Variants in FAM120B observed in about 807,000 individuals in gnomAD.
FAM120B encodes the protein constitutive coactivator of peroxisome proliferator-activated receptor gamma.
In FAM120B, 83 loss-of-function variants were observed where a neutral mutation model predicts 96.3. The ratio of observed to expected loss-of-function variants is 0.86; its 90% confidence interval spans 0.72 to 1.03. The LOEUF is 1.03. Among genes scored for constraint, FAM120B ranks in the 50% least tolerant of loss-of-function variants. The pLI, the probability that FAM120B is intolerant of heterozygous loss-of-function variation, is 0.00. For synonymous variants in FAM120B, 407 were observed against 402.7 expected (o/e 1.01, Z -0.13); for missense variants, 1,027 against 1,121.2 (o/e 0.92, Z 1.20).
At chr6:170,337,382 G>A (rs113561905) in intron 4 of FAM120B, among the ~76,000 whole-genome samples, 2,030 of 152,246 alleles carry the variant, frequency 0.013, 42 homozygotes, top group African/African-American at 0.046. Context: ...GGATGAAGCC[G>A]ACCTGATCGT....
chr6:170,352,049 CAT>C (rs1787615077), intron 5 of FAM120B, among the ~76,000 whole-genome samples: 2 of 152,292 alleles, frequency 1.3e-5, no homozygotes, highest in South Asian at 2.1e-4. Context: ...AGACCCATCT[CAT>C]GTGCAGAGAC....
At chr6:170,291,442 A>G (rs1245440590), upstream of FAM120B, among the ~76,000 whole-genome samples, 1 of 151,872 alleles carries the variant, frequency 6.6e-6, no homozygotes, top group Non-Finnish European at 1.5e-5. Flanking sequence ...GGCTGCGAGC[A>G]GGAGGACGAA....
At chr6:170,367,822 G>T (rs1788898458) in intron 6 of FAM120B, among the ~76,000 whole-genome samples, 1 of 152,212 alleles carries the variant, frequency 6.6e-6, no homozygotes. Context: ...TTATAAAGGA[G>T]CTGAAGTGAG....
At chr6:170,352,494 G>A (rs182245024) in intron 5 of FAM120B, among the ~76,000 whole-genome samples, 156 of 152,164 alleles carry the variant, frequency 1.0e-3, no homozygotes, top group Non-Finnish European at 1.4e-3. Flanking sequence ...ATTGCTGCTC[G>A]GCACTTACTC....
chr6:170,379,006 G>T (rs1385922809), intron 6 of FAM120B, among the ~76,000 whole-genome samples: 1 of 152,242 alleles, frequency 6.6e-6, no homozygotes, highest in East Asian at 1.9e-4. Flanking sequence ...GGCCCAGGCA[G>T]CCTTGGTGAG....
intron 6 of FAM120B, among the ~76,000 whole-genome samples, chr6:170,371,687 T>G (rs1789199926): frequency 6.6e-6 from 1 of 152,206 alleles, no homozygotes; most frequent in Admixed American, 6.5e-5. Context: ...TCAGCACTTG[T>G]CAAATGAGGC....
intron 9 of FAM120B, among the ~76,000 whole-genome samples, chr6:170,397,364 A>G (rs188821119): frequency 6.6e-6 from 1 of 152,100 alleles, no homozygotes; most frequent in African/African-American, 2.4e-5. Context: ...TGACAAGGTG[A>G]TATTTAAGCA....
In FAM120B at chr6:170,370,177, C is replaced by T. The variant is rs2115246146; in HGVS notation, c.2283+11859C>T. Among the ~76,000 whole-genome samples the T allele has an allele frequency of 6.6e-6, 1 of 152,228 alleles. No individual in the cohort carries two copies. The highest frequency in any genetic ancestry group is 1.9e-4 in the East Asian group (1 of 5,192). Reference sequence around the variant, plus strand: ...TGAGCTTTCCTGGCCCTGCTCTCTGCACCTCACAGACTTCCCCAGCGGGGC... The same window carrying T: ...TGAGCTTTCCTGGCCCTGCTCTCTGTACCTCACAGACTTCCCCAGCGGGGC... On this transcript the variant is annotated intron_variant, in intron 6 of 10. Transcript: ENST00000476287. This position sits in a 1 kb window ranked among gnomAD's most constrained non-coding sequence, Gnocchi z 4.3.
At chr6:170,371,991 A>G (rs932942575) in intron 6 of FAM120B, among the ~76,000 whole-genome samples, 1 of 152,240 alleles carries the variant, frequency 6.6e-6, no homozygotes, top group Non-Finnish European at 1.5e-5. Context: ...ATTGAAAAAC[A>G]GAAAAAATAA....
upstream of FAM120B, among the ~76,000 whole-genome samples, chr6:170,295,003 A>T (rs1242465650): frequency 1.3e-5 from 2 of 152,242 alleles, no homozygotes; most frequent in Non-Finnish European, 2.9e-5. The surrounding 1 kb of genome is among the most constrained non-coding windows in gnomAD (Gnocchi z 7.8). Flanking sequence ...GGGGACGTAG[A>T]CCATGCTTAT....
chr6:170,406,677 T>C lies in FAM120B; in HGVS notation c.*1926T>C, dbSNP rs184156326. ...AAATCGATTTTTTTCATTCCTCTTA[T>C]GAGGATTTCCCTATGTCAGTAAACA... is the stretch of plus-strand genomic sequence containing the variant. On this transcript the variant is annotated 3_prime_UTR_variant, in exon 11 of 11. Coordinates refer to ENST00000476287, the MANE Select transcript of FAM120B (RefSeq NM_032448.3). The C allele has an allele frequency of 6.6e-6, 1 of 152,330 alleles. No individual in the cohort carries two copies. The highest frequency in any genetic ancestry group is 2.4e-5 in the African/African-American group (1 of 41,584). The allele number at this position is 152,330 out of a possible 1,614,324, so 9.4% of individuals were successfully genotyped here.
chr6:170,388,528 A>T (rs942350304), intron 7 of FAM120B, 35 bp downstream of exon 7: 3 of 1,561,414 alleles, frequency 1.9e-6, no homozygotes, highest in South Asian at 1.1e-5. Context: ...CACCAGAAAC[A>T]TCCCTGTAGC....
chr6:170,383,909 G>A (rs2115297726), intron 6 of FAM120B, among the ~76,000 whole-genome samples: 1 of 152,192 alleles, frequency 6.6e-6, no homozygotes, highest in East Asian at 1.9e-4. Context: ...ACAGGCTGGT[G>A]CATCCATGCC....
chr6:170,395,393 T>A, intron 8 of FAM120B, 94 bp from the exon 9 acceptor site: 1 of 973,504 alleles, frequency 1.0e-6, no homozygotes, highest in Non-Finnish European at 1.6e-6. Context: ...GGGATACTGC[T>A]GACCTGGTGC....
At chr6:170,398,618 C>A (rs9460002) in intron 9 of FAM120B, among the ~76,000 whole-genome samples, 23,933 of 32,946 alleles carry the variant, frequency 0.73, 10,218 homozygotes, top group African/African-American at 0.83. Flanking sequence ...CTTAACTCTT[C>A]GGAGTGAGTG....
rs547334795 is a variant in FAM120B, at chr6:170,340,550, C to T, written c.2018-7601C>T. Reference sequence around the variant, plus strand: ...TTGTGCCCTTGCTGGAGAGGAGTTGCGATCATTTAGAGAAGAGGCATTCTG... The same window carrying T: ...TTGTGCCCTTGCTGGAGAGGAGTTGTGATCATTTAGAGAAGAGGCATTCTG... On this transcript the variant is annotated intron_variant, in intron 4 of 10. Transcript: ENST00000476287. Among the ~76,000 whole-genome samples the T allele has an allele frequency of 3.2e-4, 49 of 152,284 alleles. 1 individual carries two copies. In the South Asian group the frequency reaches 3.5e-3, roughly 11 times the overall value.
At chr6:170,322,995 T>C in intron 2 of FAM120B, 84 bp from the exon 3 acceptor site, 1 of 1,180,506 alleles carries the variant, frequency 8.5e-7, no homozygotes, top group Non-Finnish European at 1.2e-6. Context: ...AACTGGCATA[T>C]GATGAAAGGC....
intron 4 of FAM120B, among the ~76,000 whole-genome samples, chr6:170,345,412 T>C (rs1787113032): frequency 6.6e-6 from 1 of 152,206 alleles, no homozygotes; most frequent in South Asian, 2.1e-4. Flanking sequence ...AAGACCAGCC[T>C]GGGCAACATA....
upstream of FAM120B, among the ~76,000 whole-genome samples, chr6:170,292,401 G>T (rs1268578964): frequency 6.6e-6 from 1 of 151,948 alleles, no homozygotes; most frequent in Middle Eastern, 3.2e-3. This position sits in a 1 kb window ranked among gnomAD's most constrained non-coding sequence, Gnocchi z 6.6. Context: ...TTACCATCCC[G>T]CCCGTGGATC....
Sources: gnomAD v4.1 joint callset for allele counts (sites outside exome capture counted in the v4.1 genomes callset) on GRCh38, gnomAD v4.1.1 for gene constraint, Gnocchi (gnomAD v3.1) non-coding constraint, MANE v1.5 for transcripts, NCBI Gene and HGNC (gene_info 2026-07-23, HGNC 2026-07-21) for gene names.